Variants in PARD3B observed in about 807,000 individuals in gnomAD.
The protein encoded by PARD3B is par-3 family cell polarity regulator beta.
Under a neutral mutation model 130.2 loss-of-function variants are expected in PARD3B, and 103 were observed. The ratio of observed to expected loss-of-function variants is 0.79; its 90% CI spans 0.67 to 0.93. The LOEUF (loss-of-function observed/expected upper bound fraction) is 0.93. Ranked by LOEUF, PARD3B falls within the 40% of genes least tolerant of loss-of-function variation. The pLI is 0.00. For missense variants in PARD3B, 1,609 were observed against 1,499.2 expected, an observed-to-expected ratio of 1.07 and a Z score of -1.21; for synonymous variants, 583 against 553.2, an observed-to-expected ratio of 1.05 and a Z score of -0.76.
At position 205,118,901 on chromosome 2, in the gene PARD3B, A is replaced by T. The variant is rs368898161; in HGVS notation, c.681-20A>T. On this transcript the variant is annotated intron_variant, in intron 6 of 22. Coordinates refer to ENST00000406610, the MANE Select transcript of PARD3B (RefSeq NM_001302769.2). ...ATTTATTATTCAGTAATTATATTTC[A>T]ATCTAAATTTTGCATTTAGGATTCT... 4 of 1,502,880 alleles carry T rather than the reference A, an allele frequency of 2.7e-6. No individual in the cohort carries two copies. The highest frequency in any genetic ancestry group is 3.6e-6 in the Non-Finnish European group (4 of 1,104,910). 93.1% of individuals were successfully genotyped at this position (1,502,880 alleles called of 1,614,324 possible). A position where few individuals can be genotyped will look rare whatever the true frequency, so the allele number is the denominator to read the frequency against.
intron 22 of PARD3B, among the ~76,000 whole-genome samples, chr2:205,609,122 A>G (rs915711865): frequency 2.6e-5 from 4 of 152,202 alleles, no homozygotes; most frequent in African/African-American, 4.8e-5. Context: ...AATCAAAGCT[A>G]TGTAATATAC....
intron 2 of PARD3B, among the ~76,000 whole-genome samples, chr2:204,732,145 C>T (rs2039537599): frequency 6.6e-6 from 1 of 151,552 alleles, no homozygotes; most frequent in South Asian, 2.1e-4. Flanking sequence ...TGGGGAAAAG[C>T]CAGGAAAGCA....
chr2:205,124,555 T>C, intron 9 of PARD3B, 89 bp downstream of exon 9: 2 of 946,386 alleles, frequency 2.1e-6, no homozygotes, highest in East Asian at 3.7e-5. Flanking sequence ...GTAAATATAT[T>C]AATATTTTTA....
chr2:205,156,292 T>C (rs536384862), intron 10 of PARD3B, among the ~76,000 whole-genome samples: 15 of 149,454 alleles, frequency 1.0e-4, no homozygotes, highest in South Asian at 2.1e-4. Context: ...GGAATAGCAT[T>C]AGGAGATATA....
intron 18 of PARD3B, among the ~76,000 whole-genome samples, chr2:205,394,867 G>T (rs1259183997): frequency 3.9e-5 from 6 of 152,300 alleles, no homozygotes; most frequent in South Asian, 2.1e-4. Flanking sequence ...GTTACTATAT[G>T]TAGAGTGGGT....
At chr2:205,100,797 A>G (rs1702722227) in intron 4 of PARD3B, among the ~76,000 whole-genome samples, 1 of 152,180 alleles carries the variant, frequency 6.6e-6, no homozygotes, top group Non-Finnish European at 1.5e-5. Context: ...CATGCAAAGA[A>G]TGAATTTGAA....
chr2:205,106,481 A>ATG (rs202186761), intron 5 of PARD3B, among the ~76,000 whole-genome samples: 133 of 147,020 alleles, frequency 9.0e-4, no homozygotes, highest in African/African-American at 2.7e-3. Flanking sequence ...TAAGAAATGT[A>ATG]TGTGTGTGTG....
At chr2:205,090,595 TACTC>T (rs1451689926) in intron 4 of PARD3B, among the ~76,000 whole-genome samples, 2 of 152,170 alleles carry the variant, frequency 1.3e-5, no homozygotes, top group Non-Finnish European at 2.9e-5. Context: ...TAAGTTGGTT[TACTC>T]ACTCAGTCAG....
chr2:205,056,914 C>CATATAT (rs34573981), intron 4 of PARD3B, among the ~76,000 whole-genome samples: 3 of 124,670 alleles, frequency 2.4e-5, no homozygotes, highest in African/African-American at 5.4e-5. Context: ...CACACACACA[C>CATATAT]ATATATATAT....
intron 21 of PARD3B, among the ~76,000 whole-genome samples, chr2:205,551,987 G>C (rs796657698): frequency 3.3e-5 from 5 of 152,320 alleles, no homozygotes; most frequent in African/African-American, 1.2e-4. Flanking sequence ...GTGCGTTGAG[G>C]TGAACAGGTG....
intron 2 of PARD3B, among the ~76,000 whole-genome samples, chr2:204,736,075 C>G (rs938258496): frequency 6.6e-6 from 1 of 152,022 alleles, no homozygotes; most frequent in African/African-American, 2.4e-5. Context: ...TTTAAGAAGG[C>G]ACATCCCTCT....
chr2:205,510,766 T>C (rs2050559238), intron 21 of PARD3B, among the ~76,000 whole-genome samples: 1 of 152,184 alleles, frequency 6.6e-6, no homozygotes, highest in Admixed American at 6.5e-5. Flanking sequence ...ACAAAGAGAA[T>C]ATATACAAAT....
chr2:204,558,576 A>G (rs1450370507), intron 1 of PARD3B, among the ~76,000 whole-genome samples: 2 of 152,348 alleles, frequency 1.3e-5, no homozygotes, highest in East Asian at 3.9e-4. Context: ...TTCCATGCTC[A>G]TGGATAGGAA....
chr2:204,823,545 G>C (rs1241180825), intron 2 of PARD3B, among the ~76,000 whole-genome samples: 1 of 152,084 alleles, frequency 6.6e-6, no homozygotes, highest in Non-Finnish European at 1.5e-5. Context: ...GAGGCCCTAG[G>C]TACTGCTTAT....
In PARD3B at chr2:205,307,680, T is replaced by C. The variant is rs142930476; in HGVS notation, c.2630+5979T>C. Among the ~76,000 whole-genome samples, 459 of 152,280 alleles carry C rather than the reference T, an allele frequency of 3.0e-3. 2 individuals are homozygous for C. Among genetic ancestry groups the C allele is most frequent in the African/African-American group, 0.01 (432 of 41,564 alleles). ...GAGAAATATCCTTTGACAAAGAAAA[T>C]TTTACCTTGTCTAAAGTGGAAAACC... is the stretch of plus-strand genomic sequence containing the variant. On this transcript the variant is annotated intron_variant, in intron 18 of 22. Coordinates refer to ENST00000406610, the MANE Select transcript of PARD3B (RefSeq NM_001302769.2).
rs1275781056 is a variant in PARD3B at position 205,122,020 on chromosome 2, A to G, written c.1165+71A>G. ...TAAAATTGGTTAAGAGAAATGCATT[A>G]AGGCTAATTTAGTTAATTCTCCCTT... is the stretch of plus-strand genomic sequence containing the variant. On this transcript the variant is annotated intron_variant, in intron 8 of 22. Transcript: ENST00000406610. This position sits in a 1 kb window ranked among gnomAD's most constrained non-coding sequence, Gnocchi z 4.3. 7.7e-7 allele frequency: 1 copy of G among 1,294,112 alleles called. No homozygotes were observed. The highest frequency in any genetic ancestry group is 1.1e-6 in the Non-Finnish European group (1 of 943,376). The allele number at this position is 1,294,112 out of a possible 1,614,324, so 80.2% of individuals were successfully genotyped here. A position where few individuals can be genotyped will look rare whatever the true frequency, so the allele number is the denominator to read the frequency against.
At chr2:204,686,331 A>G in intron 2 of PARD3B, 49 bp downstream of exon 2, 1 of 1,333,578 alleles carries the variant, frequency 7.5e-7, no homozygotes. Context: ...ACAGAGCTGC[A>G]TGTTTTCAAG....
intron 2 of PARD3B, among the ~76,000 whole-genome samples, chr2:204,776,314 T>C (rs1197841559): frequency 6.6e-6 from 1 of 152,138 alleles, no homozygotes; most frequent in Non-Finnish European, 1.5e-5. Flanking sequence ...TTTGATGGGA[T>C]GACAAGCATT....
chr2:204,959,143 G>A (rs1200801277), intron 2 of PARD3B, among the ~76,000 whole-genome samples: 2 of 152,056 alleles, frequency 1.3e-5, no homozygotes, highest in Non-Finnish European at 2.9e-5. Context: ...CCACTCCCCC[G>A]ACAGGCCCTG....
Sources: allele counts gnomAD v4.1 joint callset (sites outside exome capture counted in the v4.1 genomes callset), GRCh38; gene constraint gnomAD v4.1.1; non-coding constraint Gnocchi (gnomAD v3.1); transcripts MANE v1.5; gene names NCBI Gene and HGNC (gene_info 2026-07-23, HGNC 2026-07-21).